Variants in WDR47 observed in about 807,000 individuals in gnomAD.
WDR47 encodes WD repeat domain 47.
In WDR47, 32 loss-of-function variants were observed where a neutral mutation model predicts 97.2. That is an observed-to-expected ratio of 0.33 (90% confidence interval 0.25 to 0.44). The LOEUF (loss-of-function observed/expected upper bound fraction) is 0.44. WDR47 is among the 20% of genes least tolerant of loss of function. The pLI is 1.00. For missense variants in WDR47, 782 were observed against 1,102.3 expected, an observed-to-expected ratio of 0.71 and a Z score of 4.11; for synonymous variants, 375 against 373.5, an observed-to-expected ratio of 1.00 and a Z score of -0.05.
At chr1:108,985,337 A>G (rs1044197351) in intron 10 of WDR47, among the ~76,000 whole-genome samples, 1 of 152,052 alleles carries the variant, frequency 6.6e-6, no homozygotes. Context: ...TTCCCTCTAT[A>G]TTATTCTCTT....
At chr1:109,023,287 T>C (rs1661981952) in intron 2 of WDR47, 68 bp downstream of exon 2, 2 of 1,473,320 alleles carry the variant, frequency 1.4e-6, no homozygotes, top group East Asian at 2.3e-5. Context: ...GTATTATATA[T>C]ATTACCTTAT....
chr1:109,001,204 GCTCGAA>G (rs1263381047), intron 7 of WDR47, among the ~76,000 whole-genome samples: 1 of 152,076 alleles, frequency 6.6e-6, no homozygotes, highest in African/African-American at 2.4e-5. Flanking sequence ...CAGGAGAATT[GCTCGAA>G]CTCAGGAGTC....
At position 108,982,068 on chromosome 1, in the gene WDR47, A is replaced by G. The variant is rs1348428548; in HGVS notation, c.2267-204T>C. The stretch of plus-strand genomic sequence containing the variant: ...AAGCCACTGCATTCCAGCCTGGGCA[A>G]CAGTGCAAGACCCTGTATCTGAAAA... On this transcript the variant is annotated intron_variant, in intron 12 of 14. Transcript: ENST00000369962. Among the ~76,000 whole-genome samples the G allele has an allele frequency of 2.0e-5, 3 of 151,980 alleles. No homozygotes were observed. In the East Asian group the frequency reaches 5.8e-4, roughly 29 times the overall value.
Position 108,971,213 on chromosome 1 carries a change from T to G in WDR47, c.*217A>C. The G allele has an allele frequency of 1.8e-6, 1 of 556,262 alleles. No individual in the cohort carries two copies. Among genetic ancestry groups the G allele is most frequent in the South Asian group, 2.8e-5 (1 of 35,796 alleles). 34.5% of individuals were successfully genotyped at this position (556,262 alleles called of 1,614,324 possible). On this transcript the variant is annotated 3_prime_UTR_variant, in exon 15 of 15. Coordinates refer to ENST00000369962, the MANE Select transcript of WDR47 (RefSeq NM_001142551.2). ...TGCAGACTTTGGCAACGAGACTACA[T>G]ATAGCAGGTCACAGCAGCACGAGCT...
At chr1:109,027,890 G>C (rs962755852) in intron 1 of WDR47, among the ~76,000 whole-genome samples, 1 of 152,102 alleles carries the variant, frequency 6.6e-6, no homozygotes, top group African/African-American at 2.4e-5. Flanking sequence ...GGGCAACATA[G>C]TGAGACCTTA....
At chr1:109,011,810 G>T in intron 4 of WDR47, 92 bp from the exon 5 acceptor site, 1 of 1,182,118 alleles carries the variant, frequency 8.5e-7, no homozygotes, top group Non-Finnish European at 1.2e-6. Flanking sequence ...AAATTATATT[G>T]CCACAGAATA....
At chr1:109,012,572 C>CAAAAAAAAAAAAAAAAAAAAAAA (rs57237933) in intron 4 of WDR47, among the ~76,000 whole-genome samples, 11 of 73,820 alleles carry the variant, frequency 1.5e-4, no homozygotes, top group African/African-American at 2.4e-4. Flanking sequence ...GACTCCATCT[C>CAAAAAAAAAAAAAAAAAAAAAAA]AAAAAAAAAA....
At chr1:108,988,871 C>T (rs965420897) in intron 9 of WDR47, among the ~76,000 whole-genome samples, 3 of 151,970 alleles carry the variant, frequency 2.0e-5, no homozygotes, top group African/African-American at 7.2e-5. Context: ...GATTCTCCTG[C>T]CTCAGCCTCC....
At chr1:109,021,944 C>T (rs1661880020) in intron 2 of WDR47, among the ~76,000 whole-genome samples, 1 of 151,570 alleles carries the variant, frequency 6.6e-6, no homozygotes, top group Non-Finnish European at 1.5e-5. Context: ...GCCTCTCGGG[C>T]TCAAGTGATT....
In WDR47 at chr1:109,004,587, A is replaced by G; in HGVS notation, c.1254+5T>C. 6.2e-7 allele frequency: 1 copy of G among 1,609,700 alleles called. No individual in the cohort carries two copies. Among genetic ancestry groups the G allele is most frequent in the Admixed American group, 1.7e-5 (1 of 59,020 alleles). On this transcript the variant is annotated splice_donor_5th_base_variant and intron_variant, in intron 6 of 14. Transcript: ENST00000369962. ...CTGAAAAACACTAGGTTTAGTAAATATTACCTCATTTTTTTCTTGTTTAGC... is the reference window on the plus strand; with the variant it reads ...CTGAAAAACACTAGGTTTAGTAAATGTTACCTCATTTTTTTCTTGTTTAGC...
intron 1 of WDR47, chr1:109,030,133 G>T (rs998023204): frequency 2.5e-6 from 3 of 1,213,754 alleles, no homozygotes; most frequent in Non-Finnish European, 3.4e-6. Flanking sequence ...AAGAAGAAAC[G>T]CCTGGTGCAG....
At position 108,981,821 on chromosome 1, in the gene WDR47, T is replaced by C; in HGVS notation, c.2310A>G (p.Ala770=). ...ALYTWSGWMI[A]SGSQDKTVRF... is the part of the protein sequence containing the mutation. ...TAACAGTCTTATCTTGGGAACCAGA[T>C]GCAATCATCCAGCCACTCCAGGTAT... Residue 770 remains alanine (A), a synonymous_variant, in exon 13 of 15, where the codon GCA becomes GCG. Transcript: ENST00000369962. 1 of 1,613,956 alleles carries C rather than the reference T, an allele frequency of 6.2e-7. No individual in the cohort carries two copies. The highest frequency in any genetic ancestry group is 1.1e-5 in the South Asian group (1 of 91,072).
chr1:108,993,683 G>A (rs1659538589), intron 8 of WDR47, among the ~76,000 whole-genome samples: 1 of 152,160 alleles, frequency 6.6e-6, no homozygotes, highest in Non-Finnish European at 1.5e-5. Context: ...AATATAAAGT[G>A]AAGCAGGAGT....
chr1:109,007,168 T>A (rs750343338), intron 5 of WDR47, among the ~76,000 whole-genome samples: 1 of 148,946 alleles, frequency 6.7e-6, no homozygotes, highest in Non-Finnish European at 1.5e-5. Context: ...CCTGAACTCC[T>A]GGGTTCCAGT....
chr1:109,017,741 T>C, intron 2 of WDR47, 140 bp from the exon 3 acceptor site: 1 of 650,446 alleles, frequency 1.5e-6, no homozygotes, highest in Admixed American at 4.7e-5. Context: ...CTCAAATAAA[T>C]TTTTCATAAT....
At chr1:108,995,947 T>A in intron 7 of WDR47, 110 bp from the exon 8 acceptor site, 2 of 1,111,338 alleles carry the variant, frequency 1.8e-6, no homozygotes, top group South Asian at 3.3e-5. Flanking sequence ...TAATATATAA[T>A]CTATGGCAAA....
At chr1:108,990,991 GT>G (rs951633579) in intron 9 of WDR47, among the ~76,000 whole-genome samples, 12 of 148,846 alleles carry the variant, frequency 8.1e-5, no homozygotes, top group South Asian at 2.1e-4. Context: ...AGTTTGTGGG[GT>G]TTTTTTTTGT....
rs141474361 is a variant in WDR47 at position 108,995,641 on chromosome 1, G to A, written c.1630C>T (p.Arg544Cys). 2,877 of 1,582,014 alleles carry A rather than the reference G, an allele frequency of 1.8e-3. 81 individuals are homozygous for A. In the Admixed American group the frequency reaches 0.043, roughly 24 times the overall value. The part of the protein sequence containing the change: ...DASNIHTSTP[R>C]NPGSTNHIPF... Reference sequence around the variant, plus strand: ...ATGTGATTTGTTGATCCAGGATTACGAGGAGTGCTTGTATGAATATTTGAA... The same window carrying A: ...ATGTGATTTGTTGATCCAGGATTACAAGGAGTGCTTGTATGAATATTTGAA... Residue 544 changes from arginine to cysteine, a missense_variant, in exon 8 of 15, where the codon CGT becomes TGT. Physicochemically the swap from Arg to Cys is radical, Grantham distance 180. Coordinates refer to ENST00000369962, the MANE Select transcript of WDR47 (RefSeq NM_001142551.2).
intron 5 of WDR47, among the ~76,000 whole-genome samples, chr1:109,007,345 G>A (rs1001934183): frequency 6.6e-6 from 1 of 150,680 alleles, no homozygotes; most frequent in Non-Finnish European, 1.5e-5. Flanking sequence ...ACAATAAATA[G>A]AGACAGGGTC....
Sources: gnomAD v4.1 joint callset for allele counts (sites outside exome capture counted in the v4.1 genomes callset) on GRCh38, gnomAD v4.1.1 for gene constraint, MANE v1.5 for transcripts, NCBI Gene and HGNC (gene_info 2026-07-23, HGNC 2026-07-21) for gene names.